CADM2: variants seen among roughly 807,000 people sequenced by gnomAD.
CADM2 encodes cell adhesion molecule 2, also known as immunoglobulin superfamily member 4D.
In CADM2, 12 loss-of-function variants were observed where a neutral mutation model predicts 49.8. That is an observed-to-expected ratio of 0.24 (90% CI 0.15 to 0.39). The LOEUF (loss-of-function observed/expected upper bound fraction) is 0.39. CADM2 is among the 10% of genes least tolerant of loss of function. CADM2 has a pLI of 1.00. For missense variants in CADM2, 378 were observed against 492.3 expected (o/e 0.77, Z 2.20); for synonymous variants, 214 against 175.4 (o/e 1.22, Z -1.74).
In CADM2 at chr3:85,659,679, T is replaced by G. The variant is rs145821077; in HGVS notation, c.62-66843T>G. ...TCAACATGTGGATTAGAAATTAAAT[T>G]TGTGACAGCTCTCAGAAGCATTGTC... On this transcript the variant is annotated intron_variant, in intron 1 of 9. Coordinates refer to ENST00000383699, the MANE Select transcript of CADM2 (RefSeq NM_001167675.2). Among the ~76,000 whole-genome samples, 145 of 152,290 alleles carry G rather than the reference T, an allele frequency of 9.5e-4. 1 individual carries two copies. Among genetic ancestry groups the G allele is most frequent in the African/African-American group, 3.3e-3 (136 of 41,560 alleles).
At chr3:85,547,279 A>G (rs1310041800) in intron 1 of CADM2, among the ~76,000 whole-genome samples, 1 of 152,186 alleles carries the variant, frequency 6.6e-6, no homozygotes, top group African/African-American at 2.4e-5. Flanking sequence ...AAATTTGGGC[A>G]TGGCGATTTC....
intron 1 of CADM2, among the ~76,000 whole-genome samples, chr3:85,351,015 G>A (rs1049403544): frequency 6.6e-6 from 1 of 152,102 alleles, no homozygotes; most frequent in African/African-American, 2.4e-5. Flanking sequence ...AGTAAACTCA[G>A]ATATACTGTA....
At chr3:85,739,648 G>A (rs940655778) in intron 2 of CADM2, among the ~76,000 whole-genome samples, 13 of 151,976 alleles carry the variant, frequency 8.6e-5, no homozygotes, top group African/African-American at 3.1e-4. Flanking sequence ...GTGAAAGGGT[G>A]TTCCTATGTT....
intron 1 of CADM2, among the ~76,000 whole-genome samples, chr3:85,384,923 C>G (rs535441643): frequency 2.7e-4 from 41 of 151,868 alleles, no homozygotes; most frequent in African/African-American, 9.9e-4. Context: ...GCTTTGTTTA[C>G]TTTATTATTT....
chr3:85,488,307 C>A (rs896649246), intron 1 of CADM2, among the ~76,000 whole-genome samples: 1 of 151,984 alleles, frequency 6.6e-6, no homozygotes, highest in Non-Finnish European at 1.5e-5. Context: ...GAGTATTTGG[C>A]AAGACAGAGA....
chr3:85,752,114 C>T (rs2068885651), intron 2 of CADM2, among the ~76,000 whole-genome samples: 1 of 152,028 alleles, frequency 6.6e-6, no homozygotes, highest in Non-Finnish European at 1.5e-5. Context: ...AACAGGGCAG[C>T]TACCACCAAT....
At chr3:85,574,513 C>G (rs1402522257) in intron 1 of CADM2, among the ~76,000 whole-genome samples, 3 of 152,150 alleles carry the variant, frequency 2.0e-5, no homozygotes, top group Non-Finnish European at 4.4e-5. Context: ...CCTGTTATGT[C>G]TCTAGGGCAA....
At chr3:85,942,418 T>A (rs1722043982) in intron 7 of CADM2, among the ~76,000 whole-genome samples, 2 of 151,858 alleles carry the variant, frequency 1.3e-5, no homozygotes, top group African/African-American at 4.8e-5. Flanking sequence ...TGTGCCATGC[T>A]GGTGCGCTGC....
At chr3:85,374,897 T>G (rs916186635) in intron 1 of CADM2, among the ~76,000 whole-genome samples, 8 of 152,038 alleles carry the variant, frequency 5.3e-5, no homozygotes, top group African/African-American at 1.9e-4. Flanking sequence ...CAAGATGAGA[T>G]TTGGGTGGGG....
chr3:85,157,566 C>T (rs1161232563), intron 1 of CADM2, among the ~76,000 whole-genome samples: 2 of 152,046 alleles, frequency 1.3e-5, no homozygotes, highest in African/African-American at 4.8e-5. Flanking sequence ...CTTTGACAAA[C>T]CTGAGAAAAA....
At chr3:85,695,269 G>A (rs2066514308) in intron 1 of CADM2, among the ~76,000 whole-genome samples, 1 of 152,064 alleles carries the variant, frequency 6.6e-6, no homozygotes, top group African/African-American at 2.4e-5. Context: ...CGGGCTTTTA[G>A]TGTACCCATC....
chr3:85,121,235 T>C (rs566432653), intron 1 of CADM2, among the ~76,000 whole-genome samples: 1 of 152,218 alleles, frequency 6.6e-6, no homozygotes, highest in South Asian at 2.1e-4. Flanking sequence ...ACACTCACTG[T>C]CATTTTGAGA....
intron 2 of CADM2, among the ~76,000 whole-genome samples, chr3:85,790,215 CAAT>C (rs1296824825): frequency 6.6e-6 from 1 of 152,160 alleles, no homozygotes; most frequent in Admixed American, 6.5e-5. Flanking sequence ...GAGGGGAAGA[CAAT>C]GATGTTATGT....
intron 1 of CADM2, among the ~76,000 whole-genome samples, chr3:85,502,445 A>G (rs1367102053): frequency 6.6e-6 from 1 of 152,124 alleles, no homozygotes; most frequent in African/African-American, 2.4e-5. Context: ...GTCAGATTAA[A>G]CTAGCTAGAA....
intron 1 of CADM2, among the ~76,000 whole-genome samples, chr3:85,578,018 TCC>T (rs2062689722): frequency 1.3e-5 from 2 of 151,158 alleles, no homozygotes; most frequent in Non-Finnish European, 2.9e-5. Flanking sequence ...CTTCCTTCCT[TCC>T]TTCCTTCCTT....
At chr3:85,589,104 G>C (rs1470981398) in intron 1 of CADM2, among the ~76,000 whole-genome samples, 1 of 151,968 alleles carries the variant, frequency 6.6e-6, no homozygotes, top group Non-Finnish European at 1.5e-5. Context: ...TTTTGATAAA[G>C]GGAGTGGTGA....
chr3:85,392,853 T>C (rs1461822217), intron 1 of CADM2, among the ~76,000 whole-genome samples: 2 of 152,148 alleles, frequency 1.3e-5, no homozygotes, highest in East Asian at 1.9e-4. Flanking sequence ...TTTGTAATGA[T>C]ATTTTTCTCA....
chr3:85,762,828 C>G (rs191522092), intron 2 of CADM2, among the ~76,000 whole-genome samples: 1 of 151,268 alleles, frequency 6.6e-6, no homozygotes, highest in East Asian at 1.9e-4. Context: ...TTGCTTTTCC[C>G]CAGTTATCAT....
chr3:85,668,918 A>C (rs560619232), intron 1 of CADM2, among the ~76,000 whole-genome samples: 64 of 152,266 alleles, frequency 4.2e-4, no homozygotes, highest in African/African-American at 1.2e-3. Flanking sequence ...TCCAGGAAGA[A>C]ATGAATATGG....
Sources: allele counts gnomAD v4.1 joint callset (sites outside exome capture counted in the v4.1 genomes callset), GRCh38; gene constraint gnomAD v4.1.1; transcripts MANE v1.5; gene names NCBI Gene and HGNC (gene_info 2026-07-23, HGNC 2026-07-21).